The following ZNHIT6 variants were observed in gnomAD, a reference collection of about 807,000 sequenced individuals.
The protein encoded by ZNHIT6 is zinc finger HIT-type containing 6.
In ZNHIT6, 45 loss-of-function variants were observed where a neutral mutation model predicts 57.2. The observed-to-expected ratio is 0.79, with a 90% CI of 0.62 to 1.01. The LOEUF (loss-of-function observed/expected upper bound fraction) is 1.01, where lower values mean the gene tolerates loss of function less well. Among genes scored for constraint, ZNHIT6 ranks in the 50% least tolerant of loss-of-function variants. ZNHIT6 has a pLI of 0.00. For synonymous variants in ZNHIT6, 188 were observed against 190.0 expected (o/e 0.99, Z 0.09); for missense variants, 528 against 567.3 (o/e 0.93, Z 0.70).
intron 5 of ZNHIT6, among the ~76,000 whole-genome samples, chr1:85,698,387 A>G (rs1013268576): frequency 6.6e-6 from 1 of 152,182 alleles, no homozygotes; most frequent in African/African-American, 2.4e-5. Context: ...AGCTGCTACA[A>G]TCACCTTCTG....
intron 5 of ZNHIT6, among the ~76,000 whole-genome samples, chr1:85,694,196 T>C (rs1045968419): frequency 6.6e-6 from 1 of 152,198 alleles, no homozygotes; most frequent in Non-Finnish European, 1.5e-5. Context: ...ATGTACATAC[T>C]TAAGATTTGT....
At position 85,706,264 on chromosome 1, in the gene ZNHIT6, T is replaced by C. The variant is rs771706703; in HGVS notation, c.814A>G (p.Met272Val). Residue 272 changes from methionine (M) to valine (V), a missense_variant, in exon 3 of 10, where the codon ATG becomes GTG. Transcript: ENST00000370574. Reference sequence around the variant, plus strand: ...AGTGGCTTACCACTTAGGAGATTCATTTCAGTAAACTGTTGTATTGAAATG... The same window carrying C: ...AGTGGCTTACCACTTAGGAGATTCACTTCAGTAAACTGTTGTATTGAAATG... ...AYISIQQFTE[M>V]NLLSDYRFLE... is the part of the protein sequence containing the mutation. 4 of 1,611,450 alleles carry C rather than the reference T, an allele frequency of 2.5e-6. No homozygotes were observed. The highest frequency in any genetic ancestry group is 3.4e-6 in the Non-Finnish European group (4 of 1,178,334).
At chr1:85,699,410 T>C (rs1662466472) in intron 5 of ZNHIT6, among the ~76,000 whole-genome samples, 1 of 152,152 alleles carries the variant, frequency 6.6e-6, no homozygotes, top group Non-Finnish European at 1.5e-5. Flanking sequence ...ATACATTCAA[T>C]AAGTACATCT....
At chr1:85,682,449 C>G (rs552540899) in intron 5 of ZNHIT6, among the ~76,000 whole-genome samples, 3 of 152,086 alleles carry the variant, frequency 2.0e-5, no homozygotes, top group Admixed American at 2.0e-4. Flanking sequence ...CTCAATCACC[C>G]CAATTCTTGC....
rs754000429 is a variant in ZNHIT6, at chr1:85,676,336, CA to C, written c.1247+899del. 8.7e-3 allele frequency among the ~76,000 whole-genome samples: 476 copies of C among 54,454 alleles called. 1 individual carries two copies. Among genetic ancestry groups the C allele is most frequent in the African/African-American group, 0.019 (275 of 14,474 alleles). The allele number at this position is 54,454 out of a possible 152,430, so 35.7% of individuals were successfully genotyped here. ...GGACAACAAGAGTGAAACTCCGTCTCAAAAAAAAAAAAAAAAAAAAGACTGT... is the reference window on the plus strand; with the variant it reads ...GGACAACAAGAGTGAAACTCCGTCTCAAAAAAAAAAAAAAAAAAAGACTGT... On this transcript the variant is annotated intron_variant, in intron 8 of 9. Coordinates refer to ENST00000370574, the MANE Select transcript of ZNHIT6 (RefSeq NM_017953.4).
rs966169942 is a variant in ZNHIT6 at position 85,649,751 on chromosome 1, A to G, written c.*4307T>C. The G allele has an allele frequency of 6.6e-6, 1 of 152,192 alleles. No individual in the cohort carries two copies. The highest frequency in any genetic ancestry group is 1.5e-5 in the Non-Finnish European group (1 of 68,034). The allele number at this position is 152,192 out of a possible 1,614,324, so 9.4% of individuals were successfully genotyped here. ...TAATTTCAAAATCAGTATCTCTCAA[A>G]TGCTGATGCCACTGGGAAAAATTTC... On this transcript the variant is annotated 3_prime_UTR_variant, in exon 10 of 10. Transcript: ENST00000370574.
chr1:85,706,466 G>A lies in ZNHIT6; in HGVS notation c.698C>T (p.Pro233Leu). Reference sequence around the variant, plus strand: ...CCTGCAGGAATATCGCATACAACGTGGACATCTGTACTTTGCTTCTTCTGT... The same window carrying A: ...CCTGCAGGAATATCGCATACAACGTAGACATCTGTACTTTGCTTCTTCTGT... ...CGTEEAKYRCPRCMRYSCSLP... is the reference protein window; with the variant it reads ...CGTEEAKYRCLRCMRYSCSLP... Residue 233 changes from proline to leucine, a missense_variant, in exon 2 of 10, where the codon CCA (proline) becomes CTA (leucine). Transcript: ENST00000370574. The A allele has an allele frequency of 6.2e-7, 1 of 1,608,376 alleles. No individual in the cohort carries two copies. Among genetic ancestry groups the A allele is most frequent in the South Asian group, 1.1e-5 (1 of 89,952 alleles).
intron 8 of ZNHIT6, among the ~76,000 whole-genome samples, chr1:85,662,911 T>C (rs1482232746): frequency 6.6e-6 from 1 of 152,186 alleles, no homozygotes; most frequent in Non-Finnish European, 1.5e-5. Context: ...GCCAACTATA[T>C]ATTTTAAAAC....
At chr1:85,670,606 G>T (rs1661532304) in intron 8 of ZNHIT6, among the ~76,000 whole-genome samples, 1 of 152,152 alleles carries the variant, frequency 6.6e-6, no homozygotes, top group South Asian at 2.1e-4. Context: ...TGTGATTTAA[G>T]TTTTATTGGG....
intron 8 of ZNHIT6, among the ~76,000 whole-genome samples, chr1:85,673,578 T>C (rs1415229114): frequency 6.6e-6 from 1 of 152,228 alleles, no homozygotes; most frequent in Non-Finnish European, 1.5e-5. Flanking sequence ...GTTACTGTAA[T>C]GCTGTAAATG....
rs147438317 is a variant in ZNHIT6 at position 85,653,946 on chromosome 1, A to G, written c.*112T>C. 231 of 780,812 alleles carry G rather than the reference A, an allele frequency of 3.0e-4. 1 individual carries two copies. The African/African-American group carries it at 3.7e-3, about 12-fold the overall frequency. 48.4% of individuals were successfully genotyped at this position (780,812 alleles called of 1,614,324 possible). On this transcript the variant is annotated 3_prime_UTR_variant, in exon 10 of 10. Coordinates refer to ENST00000370574, the MANE Select transcript of ZNHIT6 (RefSeq NM_017953.4). ...AGAGTTAAGCTTATTTTTCATACAA[A>G]GAAAAAATTCCAATCACCCATTGAC...
At chr1:85,680,338 C>T (rs749689635) in intron 6 of ZNHIT6, among the ~76,000 whole-genome samples, 1 of 152,178 alleles carries the variant, frequency 6.6e-6, no homozygotes, top group African/African-American at 2.4e-5. Context: ...CTGAGTGATA[C>T]ACTATAATGT....
chr1:85,674,032 C>A (rs1661635468), intron 8 of ZNHIT6, among the ~76,000 whole-genome samples: 1 of 152,154 alleles, frequency 6.6e-6, no homozygotes, highest in Non-Finnish European at 1.5e-5. Flanking sequence ...TTAGGTCCAA[C>A]TTCAAGAAGA....
intron 5 of ZNHIT6, among the ~76,000 whole-genome samples, chr1:85,696,998 C>A (rs1313084305): frequency 6.6e-6 from 1 of 150,732 alleles, no homozygotes; most frequent in Non-Finnish European, 1.5e-5. Context: ...GTAGCTGGGA[C>A]TACAGGCGCC....
At chr1:85,666,926 T>G (rs993369593) in intron 8 of ZNHIT6, among the ~76,000 whole-genome samples, 2 of 152,220 alleles carry the variant, frequency 1.3e-5, no homozygotes, top group Admixed American at 1.3e-4. Flanking sequence ...TCTCGCTTTC[T>G]TTTAGAATCT....
chr1:85,661,974 C>G (rs821388), intron 8 of ZNHIT6, among the ~76,000 whole-genome samples: 137,907 of 152,040 alleles, frequency 0.91, 63,155 homozygotes, highest in Non-Finnish European at 0.97. Context: ...GCCTCATGGG[C>G]GCATTATGAG....
At chr1:85,692,651 CTCTTTTCTA>C (rs1662252381) in intron 5 of ZNHIT6, among the ~76,000 whole-genome samples, 2 of 151,620 alleles carry the variant, frequency 1.3e-5, no homozygotes, top group African/African-American at 4.8e-5. Flanking sequence ...TTTTCCTTTA[CTCTTTTCTA>C]AAGCCAATTT....
chr1:85,690,668 G>GCACACAGATAAGT (rs1553157794), intron 5 of ZNHIT6, among the ~76,000 whole-genome samples: 1 of 152,096 alleles, frequency 6.6e-6, no homozygotes, highest in Admixed American at 6.6e-5. Context: ...TGACTTATAG[G>GCACACAGATAAGT]CACACAGATC....
intron 8 of ZNHIT6, among the ~76,000 whole-genome samples, chr1:85,667,961 A>AATATATATATAT (rs1553155849): frequency 6.1e-4 from 11 of 18,158 alleles, no homozygotes; most frequent in East Asian, 1.7e-3. Context: ...AAAAAAAAAA[A>AATATATATATAT]ATATATATAT....
Sources: allele counts gnomAD v4.1 joint callset (sites outside exome capture counted in the v4.1 genomes callset), GRCh38; gene constraint gnomAD v4.1.1; transcripts MANE v1.5; gene names NCBI Gene and HGNC (gene_info 2026-07-23, HGNC 2026-07-21).